The following CSMD3 variants were observed in gnomAD, a reference collection of about 807,000 sequenced individuals.
CSMD3 encodes the protein CUB and Sushi multiple domains 3.
Under a neutral mutation model 435.2 loss-of-function variants are expected in CSMD3, and 177 were observed. The observed-to-expected ratio is 0.41, with a 90% CI of 0.36 to 0.46. The LOEUF is 0.46. CSMD3 is among the 20% of genes least tolerant of loss of function. The pLI, the probability that CSMD3 is intolerant of heterozygous loss-of-function variation, is 0.34. For missense variants in CSMD3, 4,265 were observed against 4,504.6 expected, an observed-to-expected ratio of 0.95 and a Z score of 1.52; for synonymous variants, 1,656 against 1,520.5, an observed-to-expected ratio of 1.09 and a Z score of -2.07.
At chr8:112,661,206 G>C (rs1246063373) in intron 17 of CSMD3, among the ~76,000 whole-genome samples, 1 of 151,746 alleles carries the variant, frequency 6.6e-6, no homozygotes, top group South Asian at 2.1e-4. Context: ...ATTAATTTAA[G>C]TTTATGCCTA....
chr8:112,327,581 C>A (rs1260662679), intron 45 of CSMD3, among the ~76,000 whole-genome samples: 1 of 152,130 alleles, frequency 6.6e-6, no homozygotes, highest in Non-Finnish European at 1.5e-5. Context: ...AAAAGCTGCA[C>A]AAAATAGATA....
At chr8:112,700,568 C>T (rs1212555111) in intron 13 of CSMD3, among the ~76,000 whole-genome samples, 1 of 151,984 alleles carries the variant, frequency 6.6e-6, no homozygotes. Flanking sequence ...TTATTATTGG[C>T]CAGTATTGTT....
At chr8:112,425,390 A>G (rs1451170480) in intron 32 of CSMD3, among the ~76,000 whole-genome samples, 1 of 152,148 alleles carries the variant, frequency 6.6e-6, no homozygotes, top group Non-Finnish European at 1.5e-5. Context: ...GGAGGGTGAG[A>G]AGGAGTCTTA....
chr8:112,423,725 T>G (rs892250983), intron 32 of CSMD3, among the ~76,000 whole-genome samples: 2 of 152,192 alleles, frequency 1.3e-5, no homozygotes, highest in African/African-American at 4.8e-5. Context: ...TATACTAATA[T>G]GCTGAAAGAA....
intron 5 of CSMD3, among the ~76,000 whole-genome samples, chr8:113,021,723 C>T (rs1372026522): frequency 6.6e-6 from 1 of 152,186 alleles, no homozygotes; most frequent in Non-Finnish European, 1.5e-5. Context: ...CAAGTAATAG[C>T]TACTGTGTAA....
chr8:112,337,199 T>G (rs1783571803), intron 43 of CSMD3, among the ~76,000 whole-genome samples: 1 of 152,142 alleles, frequency 6.6e-6, no homozygotes, highest in Admixed American at 6.6e-5. Flanking sequence ...AAGGATTTTC[T>G]AGAGGAAAGG....
intron 5 of CSMD3, among the ~76,000 whole-genome samples, chr8:113,053,786 TTTTA>T (rs2088199641): frequency 1.3e-5 from 2 of 152,168 alleles, no homozygotes; most frequent in Non-Finnish European, 2.9e-5. Context: ...ATGTATCTGG[TTTTA>T]TTTATGTATA....
chr8:112,593,153 C>T (rs747993600), intron 22 of CSMD3, among the ~76,000 whole-genome samples: 8 of 152,048 alleles, frequency 5.3e-5, no homozygotes, highest in South Asian at 2.1e-4. Flanking sequence ...GTGATTCATA[C>T]GCCATTCTAA....
intron 50 of CSMD3, among the ~76,000 whole-genome samples, chr8:112,309,976 A>G (rs1203619454): frequency 2.6e-5 from 4 of 152,094 alleles, no homozygotes; most frequent in Admixed American, 6.6e-5. Flanking sequence ...AGTATCCTGC[A>G]TTTTTTCATG....
chr8:113,186,101 C>A (rs2092496587), intron 3 of CSMD3, among the ~76,000 whole-genome samples: 1 of 152,024 alleles, frequency 6.6e-6, no homozygotes, highest in Non-Finnish European at 1.5e-5. Context: ...CAGGAGAGCA[C>A]TCCGGGATAT....
At chr8:113,297,392 G>A (rs1478677) in intron 2 of CSMD3, among the ~76,000 whole-genome samples, 2 of 151,950 alleles carry the variant, frequency 1.3e-5, no homozygotes, top group African/African-American at 4.8e-5. Flanking sequence ...TTTCATGTTA[G>A]AAATTGTTCA....
chr8:113,007,428 G>C (rs1220324754), intron 6 of CSMD3, among the ~76,000 whole-genome samples: 2 of 151,928 alleles, frequency 1.3e-5, no homozygotes, highest in Non-Finnish European at 2.9e-5. Context: ...TTTGGACATA[G>C]AGAGCAAGAC....
chr8:112,771,645 G>C (rs1037941321), intron 13 of CSMD3, among the ~76,000 whole-genome samples: 1 of 151,932 alleles, frequency 6.6e-6, no homozygotes, highest in Admixed American at 6.6e-5. Flanking sequence ...TTCTCTATAC[G>C]TATGTATCTC....
intron 13 of CSMD3, among the ~76,000 whole-genome samples, chr8:112,703,488 G>GCTAAAGTAATAAACC (rs1252047743): frequency 6.6e-6 from 1 of 152,124 alleles, no homozygotes; most frequent in Non-Finnish European, 1.5e-5. Context: ...ATCCTTGATG[G>GCTAAAGTAATAAACC]CTAAAGTAAT....
At chr8:113,210,003 G>GGTGTGTGTGTGTGTGT (rs3048831) in intron 3 of CSMD3, among the ~76,000 whole-genome samples, 2 of 138,956 alleles carry the variant, frequency 1.4e-5, no homozygotes, top group Non-Finnish European at 3.2e-5. Flanking sequence ...TCTCCTAAAA[G>GGTGTGTGTGTGTGTGT]GTGTGTGTGT....
intron 9 of CSMD3, among the ~76,000 whole-genome samples, chr8:112,946,133 T>C (rs1357330187): frequency 6.6e-6 from 1 of 151,824 alleles, no homozygotes; most frequent in African/African-American, 2.4e-5. Context: ...ATTAATCTAA[T>C]TTGCAAATCA....
intron 13 of CSMD3, among the ~76,000 whole-genome samples, chr8:112,758,064 A>T (rs1169590419): frequency 6.6e-6 from 1 of 151,954 alleles, no homozygotes; most frequent in Non-Finnish European, 1.5e-5. Context: ...TCAAAGATTT[A>T]AAAAAAGGGG....
intron 13 of CSMD3, among the ~76,000 whole-genome samples, chr8:112,754,126 T>G (rs564239395): frequency 2.0e-5 from 3 of 152,170 alleles, no homozygotes; most frequent in Non-Finnish European, 4.4e-5. Context: ...CCTGGTATTC[T>G]GCAGATTATG....
chr8:112,688,144 A>C (rs2076052872), intron 14 of CSMD3, among the ~76,000 whole-genome samples: 1 of 152,186 alleles, frequency 6.6e-6, no homozygotes, highest in African/African-American at 2.4e-5. Flanking sequence ...ACTTTGCTTA[A>C]AAATACATGG....
Sources: allele counts gnomAD v4.1 joint callset (sites outside exome capture counted in the v4.1 genomes callset), GRCh38; gene constraint gnomAD v4.1.1; transcripts MANE v1.5; gene names NCBI Gene and HGNC (gene_info 2026-07-23, HGNC 2026-07-21).